IMPG1: variants seen among roughly 807,000 people sequenced by gnomAD.
IMPG1 encodes the protein interphotoreceptor matrix proteoglycan of 150 kDa.
In IMPG1, 85 loss-of-function variants were observed where a neutral mutation model predicts 92.0. The observed-to-expected ratio is 0.92, with a 90% CI of 0.78 to 1.11. The LOEUF (loss-of-function observed/expected upper bound fraction) is 1.11, where lower values mean the gene tolerates loss of function less well. Among genes scored for constraint, IMPG1 ranks in the 50% least tolerant of loss-of-function variants. The pLI, the probability that IMPG1 is intolerant of heterozygous loss-of-function variation, is 0.00. For synonymous variants in IMPG1, 367 were observed against 334.1 expected (o/e 1.10, Z -1.08); for missense variants, 1,022 against 956.0 (o/e 1.07, Z -0.91).
intron 1 of IMPG1, among the ~76,000 whole-genome samples, chr6:76,067,759 C>T (rs941017635): frequency 1.4e-4 from 22 of 152,076 alleles, no homozygotes. Flanking sequence ...AGACCAATAT[C>T]CCTGATTAAC....
Position 75,982,196 on chromosome 6 carries a change from C to A in IMPG1, c.1291+20722G>T, listed in dbSNP as rs115793275. 1.8e-3 allele frequency among the ~76,000 whole-genome samples: 279 copies of A among 152,206 alleles called. 2 individuals are homozygous for A. The highest frequency in any genetic ancestry group is 6.4e-3 in the African/African-American group (266 of 41,538). ...TGGGGGAAGAATTTATAGCATTCTG[C>A]AAAGCCTGAATGCTGAGGTCATGTG... On this transcript the variant is annotated intron_variant, in intron 12 of 16. Coordinates refer to ENST00000369950, the MANE Select transcript of IMPG1 (RefSeq NM_001563.4).
At chr6:76,054,988 T>A (rs1280700230) in intron 1 of IMPG1, among the ~76,000 whole-genome samples, 6 of 152,144 alleles carry the variant, frequency 3.9e-5, no homozygotes, top group Non-Finnish European at 7.4e-5. Flanking sequence ...AGGTACATTT[T>A]AAGATATCTC....
intron 12 of IMPG1, among the ~76,000 whole-genome samples, chr6:75,965,686 G>A (rs990088391): frequency 1.4e-5 from 2 of 138,176 alleles, no homozygotes; most frequent in Admixed American, 8.2e-5. Flanking sequence ...TTGGCTTACT[G>A]CAAGCTCCGC....
Position 76,021,853 on chromosome 6 carries a change from G to A in IMPG1, c.666+263C>T, listed in dbSNP as rs535425035. 8.7e-5 allele frequency among the ~76,000 whole-genome samples: 12 copies of A among 138,054 alleles called. No homozygotes were observed. The East Asian group carries it at 2.4e-3, about 28-fold the overall frequency. 90.6% of individuals were successfully genotyped at this position (138,054 alleles called of 152,430 possible). A position where few individuals can be genotyped will look rare whatever the true frequency, so the allele number is the denominator to read the frequency against. On this transcript the variant is annotated intron_variant, in intron 6 of 16. Transcript: ENST00000369950. ...TTTTGTTAGGTGCTGGGGAAAAAGAGCCCCAGCACTCCACAGCTTATAATT... is the reference window on the plus strand; with the variant it reads ...TTTTGTTAGGTGCTGGGGAAAAAGAACCCCAGCACTCCACAGCTTATAATT...
intron 15 of IMPG1, among the ~76,000 whole-genome samples, chr6:75,927,929 CTT>C (rs36094044): frequency 6.6e-6 from 1 of 152,182 alleles, no homozygotes; most frequent in African/African-American, 2.4e-5. Context: ...CACCACCAAC[CTT>C]TTTGAGAGGT....
chr6:75,968,563 G>A (rs1450581469), intron 12 of IMPG1, among the ~76,000 whole-genome samples: 2 of 149,986 alleles, frequency 1.3e-5, no homozygotes, highest in African/African-American at 2.4e-5. Context: ...TATTATTTCT[G>A]AGTAGCAAAA....
intron 1 of IMPG1, among the ~76,000 whole-genome samples, chr6:76,060,528 C>T (rs74885544): frequency 0.026 from 3,896 of 152,258 alleles, 138 homozygotes; most frequent in African/African-American, 0.086. Flanking sequence ...AGAGTGCACC[C>T]TCCTCCTTTA....
intron 12 of IMPG1, among the ~76,000 whole-genome samples, chr6:75,959,715 C>T (rs1011629881): frequency 5.9e-5 from 9 of 152,170 alleles, no homozygotes; most frequent in Admixed American, 5.2e-4. Flanking sequence ...CCCTTCCCCT[C>T]ACCAAGCTCA....
At position 76,031,083 on chromosome 6, in the gene IMPG1, G is replaced by T. The variant is rs146539533; in HGVS notation, c.497+3232C>A. Among the ~76,000 whole-genome samples, 446 of 152,232 alleles carry T rather than the reference G, an allele frequency of 2.9e-3. 3 individuals carry two copies. Among genetic ancestry groups the T allele is most frequent in the Middle Eastern group, 6.8e-3 (2 of 294 alleles). The stretch of plus-strand genomic sequence containing the variant: ...GCCTTACTCAGCCTTCAAACCATCT[G>T]CAAGCCTAAATTTTCATGGCTGTGG... On this transcript the variant is annotated intron_variant, in intron 4 of 16. Transcript: ENST00000369950.
At chr6:75,943,380 G>A (rs566699937) in intron 14 of IMPG1, among the ~76,000 whole-genome samples, 3 of 152,260 alleles carry the variant, frequency 2.0e-5, no homozygotes, top group South Asian at 4.1e-4. Context: ...AGGGAGGGGT[G>A]AGTTCTTACT....
chr6:76,024,481 T>C (rs1783488507), intron 5 of IMPG1, among the ~76,000 whole-genome samples: 1 of 152,176 alleles, frequency 6.6e-6, no homozygotes, highest in Non-Finnish European at 1.5e-5. Context: ...GAAATGATTT[T>C]CCTCTGCCTT....
intron 12 of IMPG1, among the ~76,000 whole-genome samples, chr6:75,987,352 C>T (rs967053428): frequency 2.7e-4 from 40 of 149,906 alleles, no homozygotes; most frequent in African/African-American, 8.6e-4. Flanking sequence ...ATGTGCACAA[C>T]GCGCAGGTTT....
Position 76,048,270 on chromosome 6 carries a change from A to G in IMPG1, c.68-6144T>C, listed in dbSNP as rs75014799. 5.9e-3 allele frequency among the ~76,000 whole-genome samples: 898 copies of G among 152,276 alleles called. 28 individuals carry two copies. The East Asian group carries it at 0.06, about 10-fold the overall frequency. On this transcript the variant is annotated intron_variant, in intron 1 of 16. Transcript: ENST00000369950. The stretch of plus-strand genomic sequence containing the variant: ...TCTGGTCCTTAAGTAAAATCACACT[A>G]TATTTCTCTAGTCTGACTCAGTTTT...
chr6:76,066,691 A>G (rs1356920595), intron 1 of IMPG1, among the ~76,000 whole-genome samples: 1 of 152,148 alleles, frequency 6.6e-6, no homozygotes, highest in East Asian at 1.9e-4. Flanking sequence ...TGTATTGTAG[A>G]CCAAATGGAC....
chr6:76,004,037 C>T (rs1590560), intron 10 of IMPG1, 87 bp from the exon 11 acceptor site: 312,838 of 924,036 alleles, frequency 0.34, 53,973 homozygotes, highest in East Asian at 0.47. Flanking sequence ...TTGAAATATG[C>T]GGAATAACCA....
intron 1 of IMPG1, among the ~76,000 whole-genome samples, chr6:76,060,371 C>T (rs564425923): frequency 2.6e-5 from 4 of 152,238 alleles, no homozygotes; most frequent in East Asian, 1.9e-4. Flanking sequence ...GAATATTCTC[C>T]GTAAATAATT....
intron 12 of IMPG1, among the ~76,000 whole-genome samples, chr6:75,992,670 C>T (rs1782831619): frequency 6.6e-6 from 1 of 152,144 alleles, no homozygotes; most frequent in Non-Finnish European, 1.5e-5. Context: ...CCTTCATTTT[C>T]TGAAAGCCCA....
chr6:75,951,158 G>GA (rs1782025234), intron 12 of IMPG1, 64 bp from the exon 13 acceptor site: 1 of 1,261,700 alleles, frequency 7.9e-7, no homozygotes, highest in Non-Finnish European at 1.1e-6. Context: ...GTGAAAAAAA[G>GA]AAAATCCAAA....
rs181866529 is a variant in IMPG1 at position 75,942,781 on chromosome 6, G to A, written c.2044+4533C>T. 5.1e-4 allele frequency among the ~76,000 whole-genome samples: 78 copies of A among 152,246 alleles called. 1 individual carries two copies. Among genetic ancestry groups the A allele is most frequent in the Middle Eastern group, 6.8e-3 (2 of 294 alleles). On this transcript the variant is annotated intron_variant, in intron 14 of 16. Transcript: ENST00000369950. ...TCATATTGCTAGATTTAAAAAAGAG[G>A]AAGAAAATGATTGAAAATCATCTGC...
Sources: gnomAD v4.1 joint callset for allele counts (sites outside exome capture counted in the v4.1 genomes callset) on GRCh38, gnomAD v4.1.1 for gene constraint, MANE v1.5 for transcripts, NCBI Gene and HGNC (gene_info 2026-07-23, HGNC 2026-07-21) for gene names.